Variants in RNPC3 observed in about 807,000 individuals in gnomAD.
RNPC3 encodes the protein RNA binding region (RNP1, RRM) containing 3.
RNPC3 carries 48 observed loss-of-function variants against 67.5 expected under a neutral mutation model. The observed-to-expected ratio is 0.71, with a 90% confidence interval of 0.56 to 0.90. The LOEUF is 0.90. Among genes scored for constraint, RNPC3 ranks in the 40% least tolerant of loss-of-function variants. The pLI is 0.00. For synonymous variants in RNPC3, 239 were observed against 210.3 expected (o/e 1.14, Z -1.18); for missense variants, 637 against 626.1 (o/e 1.02, Z -0.19).
chr1:103,544,000 T>C (rs1651184685), intron 9 of RNPC3, among the ~76,000 whole-genome samples: 1 of 151,782 alleles, frequency 6.6e-6, no homozygotes, highest in African/African-American at 2.4e-5. Flanking sequence ...GTTCTTTTGT[T>C]CTTTAAGTCT....
intron 12 of RNPC3, 93 bp downstream of exon 12, chr1:103,547,128 G>A: frequency 1.4e-6 from 1 of 715,872 alleles, no homozygotes; most frequent in Admixed American, 3.6e-5. Flanking sequence ...TCCTTTTAGA[G>A]ATAAAAATTA....
At chr1:103,548,375 T>G (rs1053848944) in intron 12 of RNPC3, among the ~76,000 whole-genome samples, 1 of 152,190 alleles carries the variant, frequency 6.6e-6, no homozygotes, top group Non-Finnish European at 1.5e-5. Flanking sequence ...CTTTGCTGCT[T>G]AGAGATTTCT....
chr1:103,536,985 G>A (rs1033403196), intron 6 of RNPC3, among the ~76,000 whole-genome samples: 1 of 152,104 alleles, frequency 6.6e-6, no homozygotes, highest in South Asian at 2.1e-4. Context: ...GAATTGTTTC[G>A]ACCATGTGCC....
At chr1:103,529,727 A>T (rs1429339547) in intron 2 of RNPC3, among the ~76,000 whole-genome samples, 1 of 152,228 alleles carries the variant, frequency 6.6e-6, no homozygotes, top group Admixed American at 6.5e-5. Context: ...TTATTGAAAC[A>T]TTTTAAAATT....
At chr1:103,541,772 C>A (rs900123028) in intron 8 of RNPC3, among the ~76,000 whole-genome samples, 2 of 152,008 alleles carry the variant, frequency 1.3e-5, no homozygotes, top group African/African-American at 4.8e-5. Context: ...TTTATCATTT[C>A]TTTTCTCTTT....
chr1:103,539,979 C>T (rs957548111), intron 7 of RNPC3, among the ~76,000 whole-genome samples: 2 of 152,190 alleles, frequency 1.3e-5, no homozygotes, highest in Non-Finnish European at 2.9e-5. Flanking sequence ...CTGCCCGCAT[C>T]AGTCCCAGTA....
chr1:103,534,119 C>G (rs1423867020), intron 3 of RNPC3, among the ~76,000 whole-genome samples: 1 of 151,918 alleles, frequency 6.6e-6, no homozygotes, highest in African/African-American at 2.4e-5. Context: ...CTTCAACTTT[C>G]AATGGAGGGA....
chr1:103,526,129 T>C lies in RNPC3; in HGVS notation c.59T>C (p.Leu20Pro), dbSNP rs1347233523. ...AGGGGATGCACGAGCTCCTCCTCGC[T>C]TTCCCCGCCTCGGGGCGACCGAACC... The part of the protein sequence containing the change: ...ISRGCTSSSS[L>P]SPPRGDRTLL... Residue 20 changes from leucine (L) to proline (P), a missense_variant, in exon 1 of 15, where the codon CTT becomes CCT. Leu to Pro is a moderately conservative substitution (Grantham distance 98, BLOSUM62 -3). Around this residue, in one of 3 missense-constraint regions of RNPC3, gnomAD observed 536 missense variants for 500.3 expected, o/e 1.07. Coordinates refer to ENST00000423855, the MANE Select transcript of RNPC3 (RefSeq NM_017619.4). 6.4e-7 allele frequency: 1 copy of C among 1,551,230 alleles called. No homozygotes were observed. The highest frequency in any genetic ancestry group is 2.4e-5 in the East Asian group (1 of 40,858).
Position 103,526,241 on chromosome 1 carries a change from C to T in RNPC3, c.171C>T (p.Val57=), listed in dbSNP as rs1340210441. ...LKYFGAQSVR[V]LSDKGRLKHT... ...ACTTCGGGGCTCAGTCTGTGCGGGT[C>T]CTGTCAGATAAGGGGCGACTGGTAA... Residue 57 remains valine (V), a synonymous_variant, in exon 1 of 15, where the codon GTC becomes GTT. Coordinates refer to ENST00000423855, the MANE Select transcript of RNPC3 (RefSeq NM_017619.4). 4 of 1,549,208 alleles carry T rather than the reference C, an allele frequency of 2.6e-6. No individual in the cohort carries two copies. In the South Asian group the frequency reaches 4.8e-5, roughly 18 times the overall value.
chr1:103,531,018 C>T (rs917304126), intron 2 of RNPC3, among the ~76,000 whole-genome samples: 19 of 152,194 alleles, frequency 1.2e-4, no homozygotes, highest in African/African-American at 4.3e-4. Flanking sequence ...CTCCTGAGTC[C>T]TCAAAGTCCA....
intron 7 of RNPC3, among the ~76,000 whole-genome samples, chr1:103,540,193 T>C (rs1651091294): frequency 6.6e-6 from 1 of 152,204 alleles, no homozygotes; most frequent in Non-Finnish European, 1.5e-5. Context: ...GATGTTTCCA[T>C]GTACACAAAC....
chr1:103,551,163 C>T lies in RNPC3; in HGVS notation c.1494+90C>T. 1.1e-5 allele frequency: 12 copies of T among 1,108,354 alleles called. No individual in the cohort carries two copies. The South Asian group carries it at 2.0e-4, about 18-fold the overall frequency. The allele number at this position is 1,108,354 out of a possible 1,614,324, so 68.7% of individuals were successfully genotyped here. On this transcript the variant is annotated intron_variant, in intron 13 of 14. Transcript: ENST00000423855. ...TTTCATGTTACCCTTTAGAAATTTCCACAATTGGCATTCTAGCAGTAGATA... is the reference window on the plus strand; with the variant it reads ...TTTCATGTTACCCTTTAGAAATTTCTACAATTGGCATTCTAGCAGTAGATA...
chr1:103,534,789 CGAA>C lies in RNPC3; in HGVS notation c.378_380del (p.Glu126del). On this transcript the variant is annotated inframe_deletion, in exon 4 of 15. Coordinates refer to ENST00000423855, the MANE Select transcript of RNPC3 (RefSeq NM_017619.4). ...TATGTCCCAGGTCTGATGACCCTGT[CGAA>C]GATGATAAAGAAAAAAAAGAACTTG... 1 of 1,521,544 alleles carries C rather than the reference CGAA, an allele frequency of 6.6e-7. No individual in the cohort carries two copies. Among genetic ancestry groups the C allele is most frequent in the Non-Finnish European group, 8.8e-7 (1 of 1,138,714 alleles). 94.3% of individuals were successfully genotyped at this position (1,521,544 alleles called of 1,614,324 possible). A position where few individuals can be genotyped will look rare whatever the true frequency, so the allele number is the denominator to read the frequency against.
In RNPC3 at chr1:103,546,249, A is replaced by C; in HGVS notation, c.1209A>C (p.Glu403Asp). The change falls in exon 11 of 15, where the codon GAA (glutamate) becomes GAC (aspartate). Residue 403 changes from glutamate (E) to aspartate (D), a missense_variant and splice_region_variant. By Grantham distance (45) the Glu-to-Asp change is conservative. Transcript: ENST00000423855. ...ELEKGRISRE[E>D]METLSVFRSY... ...CTTTGTTTTTTGTTTTTTAATAAGA[A>C]ATGGAAACACTTTCAGTTTTCAGAA... The C allele has an allele frequency of 7.4e-7, 1 of 1,358,430 alleles. No individual in the cohort carries two copies. Among genetic ancestry groups the C allele is most frequent in the Non-Finnish European group, 9.6e-7 (1 of 1,042,418 alleles). 84.1% of individuals were successfully genotyped at this position (1,358,430 alleles called of 1,614,324 possible).
At chr1:103,549,505 G>T (rs983218230) in intron 12 of RNPC3, among the ~76,000 whole-genome samples, 8 of 151,850 alleles carry the variant, frequency 5.3e-5, no homozygotes, top group Non-Finnish European at 1.2e-4. Flanking sequence ...CCATCTTTGA[G>T]TCATGATTAT....
chr1:103,539,285 T>A (rs1164768169), intron 7 of RNPC3, among the ~76,000 whole-genome samples: 2 of 152,202 alleles, frequency 1.3e-5, no homozygotes, highest in African/African-American at 4.8e-5. Context: ...ATAATCGCAA[T>A]TTGACTGAGT....
intron 14 of RNPC3, 53 bp downstream of exon 14, chr1:103,551,845 TTAAGAA>T: frequency 3.0e-6 from 3 of 1,000,698 alleles, no homozygotes; most frequent in Non-Finnish European, 4.3e-6. Flanking sequence ...TGAGATAAAA[TTAAGAA>T]TAAAAGTTTG....
chr1:103,543,017 A>G (rs1651161088), intron 8 of RNPC3, among the ~76,000 whole-genome samples: 1 of 151,720 alleles, frequency 6.6e-6, no homozygotes, highest in South Asian at 2.1e-4. Context: ...AGAGTCATCA[A>G]ATCCCTTCTC....
intron 5 of RNPC3, among the ~76,000 whole-genome samples, chr1:103,535,753 T>C (rs887674074): frequency 6.6e-6 from 1 of 152,082 alleles, no homozygotes; most frequent in Non-Finnish European, 1.5e-5. Flanking sequence ...CTTAAAAATA[T>C]TGGCAGTAAT....
Sources: allele counts gnomAD v4.1 joint callset (sites outside exome capture counted in the v4.1 genomes callset), GRCh38; gene constraint gnomAD v4.1.1; regional missense constraint gnomAD v4.1.1; transcripts MANE v1.5; gene names NCBI Gene and HGNC (gene_info 2026-07-23, HGNC 2026-07-21).